The following MARK3 variants were observed in gnomAD, a reference collection of about 807,000 sequenced individuals.
MARK3 encodes the protein MAP/microtubule affinity-regulating kinase 3.
In MARK3, 46 loss-of-function variants were observed where a neutral mutation model predicts 90.1. The observed-to-expected ratio is 0.51, with a 90% CI of 0.40 to 0.65. The LOEUF is 0.65. Among genes scored for constraint, MARK3 ranks in the 30% least tolerant of loss-of-function variants. The probability of loss-of-function intolerance (pLI) is 0.00; values close to 1 mark genes in which losing one functional copy is unlikely to be tolerated. For synonymous variants in MARK3, 321 were observed against 332.6 expected (o/e 0.97, Z 0.38); for missense variants, 818 against 947.2 (o/e 0.86, Z 1.79).
At chr14:103,436,184 C>T (rs1046730335) in intron 3 of MARK3, among the ~76,000 whole-genome samples, 6 of 152,138 alleles carry the variant, frequency 3.9e-5, no homozygotes, top group South Asian at 2.1e-4. Context: ...CCACCGTGCC[C>T]GGCAAAGTAA....
At chr14:103,404,359 T>G (rs956134484) in intron 1 of MARK3, among the ~76,000 whole-genome samples, 1 of 152,178 alleles carries the variant, frequency 6.6e-6, no homozygotes, top group Non-Finnish European at 1.5e-5. Context: ...GATTGGGACA[T>G]CTAATCCTTT....
chr14:103,494,491 C>A (rs1393116198), intron 15 of MARK3, among the ~76,000 whole-genome samples: 1 of 139,390 alleles, frequency 7.2e-6, no homozygotes, highest in Non-Finnish European at 1.5e-5. Context: ...TTGTGGTGAG[C>A]CGAGGTCACG....
intron 2 of MARK3, among the ~76,000 whole-genome samples, chr14:103,411,463 G>A (rs964733372): frequency 1.3e-5 from 2 of 152,084 alleles, no homozygotes. Context: ...CCCAACAATT[G>A]AAGATACCTG....
At chr14:103,436,208 T>C (rs2092713031) in intron 3 of MARK3, among the ~76,000 whole-genome samples, 1 of 152,122 alleles carries the variant, frequency 6.6e-6, no homozygotes, top group Non-Finnish European at 1.5e-5. Context: ...ATTTTAAAGA[T>C]GACCCCTTCC....
intron 1 of MARK3, among the ~76,000 whole-genome samples, chr14:103,401,948 C>A (rs1362504292): frequency 1.3e-5 from 2 of 152,040 alleles, no homozygotes; most frequent in Non-Finnish European, 2.9e-5. Flanking sequence ...AAAGGACATT[C>A]AAACTAAGGG....
intron 7 of MARK3, among the ~76,000 whole-genome samples, chr14:103,463,983 G>A (rs1362152894): frequency 6.6e-6 from 1 of 151,864 alleles, no homozygotes; most frequent in East Asian, 1.9e-4. Flanking sequence ...TCTTTATTCT[G>A]CCTGAAATAC....
chr14:103,491,477 A>G lies in MARK3; in HGVS notation c.1587-300A>G, dbSNP rs2094015312. 9.6e-6 allele frequency: 3 copies of G among 312,766 alleles called. No homozygotes were observed. In the South Asian group the frequency reaches 1.4e-4, roughly 14 times the overall value. The allele number at this position is 312,766 out of a possible 1,614,324, so 19.4% of individuals were successfully genotyped here. A position where few individuals can be genotyped will look rare whatever the true frequency, so the allele number is the denominator to read the frequency against. ...TCTCTATGTAAGCAATTTGAGAGGG[A>G]AGCAAAGGGGAAAAGTTTGAGTTAG... On this transcript the variant is annotated intron_variant, in intron 14 of 17. Coordinates refer to ENST00000429436, the MANE Select transcript of MARK3 (RefSeq NM_001128918.3).
chr14:103,400,995 T>C (rs2090933313), intron 1 of MARK3, among the ~76,000 whole-genome samples: 1 of 142,194 alleles, frequency 7.0e-6, no homozygotes, highest in African/African-American at 2.7e-5. Flanking sequence ...GCAGGTTGTT[T>C]ATTGGCTCCT....
chr14:103,498,381 G>C, intron 15 of MARK3, 121 bp from the exon 16 acceptor site: 2 of 614,636 alleles, frequency 3.3e-6, no homozygotes, highest in Non-Finnish European at 5.0e-6. Flanking sequence ...TTTGTTCATT[G>C]GCCAGAGAAG....
intron 15 of MARK3, among the ~76,000 whole-genome samples, chr14:103,493,258 A>ATTTTTTTTTTTTTTTTTTTTTTT (rs10678432): frequency 9.5e-6 from 1 of 105,374 alleles, no homozygotes; most frequent in African/African-American, 3.5e-5. Flanking sequence ...TTTTTTTTTA[A>ATTTTTTTTTTTTTTTTTTTTTTT]TTTTTTTTTT....
chr14:103,405,989 C>G (rs1357905917), intron 2 of MARK3, among the ~76,000 whole-genome samples: 3 of 152,082 alleles, frequency 2.0e-5, no homozygotes, highest in Non-Finnish European at 4.4e-5. Context: ...CTCCTGGGGT[C>G]AGGCAGTTCT....
chr14:103,390,571 T>A (rs1260268685), intron 1 of MARK3, among the ~76,000 whole-genome samples: 1 of 152,128 alleles, frequency 6.6e-6, no homozygotes, highest in Non-Finnish European at 1.5e-5. Context: ...ACACTAACAA[T>A]AGCTGATAAG....
At chr14:103,474,032 T>TAA (rs1182455433) in intron 12 of MARK3, among the ~76,000 whole-genome samples, 5 of 96,202 alleles carry the variant, frequency 5.2e-5, no homozygotes, top group African/African-American at 1.2e-4. Context: ...CCGTCTCTAC[T>TAA]AAAAAAAAAA....
chr14:103,488,672 T>C (rs2093970981), intron 14 of MARK3, among the ~76,000 whole-genome samples: 1 of 152,032 alleles, frequency 6.6e-6, no homozygotes, highest in Non-Finnish European at 1.5e-5. Flanking sequence ...CTAGCCATCA[T>C]AGTGAGACAC....
chr14:103,451,392 A>G (rs2093144510), intron 4 of MARK3, among the ~76,000 whole-genome samples: 1 of 152,108 alleles, frequency 6.6e-6, no homozygotes, highest in Non-Finnish European at 1.5e-5. Flanking sequence ...TAATCCCTCT[A>G]CTTCTTTCCA....
chr14:103,402,100 C>G (rs1172430199), intron 1 of MARK3, among the ~76,000 whole-genome samples: 1 of 152,128 alleles, frequency 6.6e-6, no homozygotes, highest in African/African-American at 2.4e-5. Context: ...GTGTTAGGCA[C>G]TGTTTCAGGT....
chr14:103,390,677 C>T (rs906552859), intron 1 of MARK3, among the ~76,000 whole-genome samples: 1 of 152,156 alleles, frequency 6.6e-6, no homozygotes, highest in Non-Finnish European at 1.5e-5. Context: ...CTGCATGCAG[C>T]CCTAGGGCTG....
intron 3 of MARK3, among the ~76,000 whole-genome samples, chr14:103,434,111 C>T (rs1051833194): frequency 6.6e-6 from 1 of 152,154 alleles, no homozygotes; most frequent in African/African-American, 2.4e-5. Flanking sequence ...AGACACTTAA[C>T]ACTCTGGGAG....
intron 14 of MARK3, among the ~76,000 whole-genome samples, chr14:103,485,700 A>G (rs188507425): frequency 3.3e-5 from 5 of 151,966 alleles, no homozygotes; most frequent in Non-Finnish European, 7.4e-5. Flanking sequence ...CAAAGTGCCT[A>G]TCCTTTAGTA....
Sources: gnomAD v4.1 joint callset for allele counts (sites outside exome capture counted in the v4.1 genomes callset) on GRCh38, gnomAD v4.1.1 for gene constraint, MANE v1.5 for transcripts, NCBI Gene and HGNC (gene_info 2026-07-23, HGNC 2026-07-21) for gene names.